Variants in DOCK5 observed in about 807,000 individuals in gnomAD.
The protein encoded by DOCK5 is dedicator of cytokinesis protein 5.
In DOCK5, 142 loss-of-function variants were observed where a neutral mutation model predicts 251.8. The ratio of observed to expected loss-of-function variants is 0.56; its 90% CI spans 0.49 to 0.65. The LOEUF (loss-of-function observed/expected upper bound fraction) is 0.65, where lower values mean the gene tolerates loss of function less well. DOCK5 is among the 30% of genes least tolerant of loss of function. The pLI is 0.00. For missense variants in DOCK5, 2,111 were observed against 2,312.3 expected (o/e 0.91, Z 1.79); for synonymous variants, 842 against 835.5 (o/e 1.01, Z -0.13).
At chr8:25,371,769 A>G (rs1800877257) in intron 34 of DOCK5, among the ~76,000 whole-genome samples, 1 of 152,184 alleles carries the variant, frequency 6.6e-6, no homozygotes, top group Non-Finnish European at 1.5e-5. Flanking sequence ...TGTTTTCTTC[A>G]TTCTTCCTAG....
At chr8:25,355,822 TAAG>T (rs1800557759) in intron 27 of DOCK5, among the ~76,000 whole-genome samples, 1 of 152,102 alleles carries the variant, frequency 6.6e-6, no homozygotes, top group Non-Finnish European at 1.5e-5. Context: ...AGATTATAAA[TAAG>T]AAATTCTATT....
chr8:25,370,502 G>T (rs1563219290), intron 34 of DOCK5, among the ~76,000 whole-genome samples: 1 of 151,870 alleles, frequency 6.6e-6, no homozygotes, highest in Non-Finnish European at 1.5e-5. Flanking sequence ...ATTACAATTT[G>T]TTTTTGGTGT....
intron 24 of DOCK5, 134 bp downstream of exon 24, chr8:25,341,943 C>T (rs1805965867): frequency 1.4e-6 from 1 of 729,506 alleles, no homozygotes; most frequent in African/African-American, 1.8e-5. Context: ...GTGCTCAGTT[C>T]TGTGGAAGAT....
intron 35 of DOCK5, 21 bp from the exon 36 acceptor site, chr8:25,373,597 G>C (rs1800912987): frequency 2.6e-6 from 4 of 1,550,024 alleles, no homozygotes; most frequent in Non-Finnish European, 3.5e-6. Context: ...GGGATTCTGT[G>C]ATCCTTTTTT....
intron 2 of DOCK5, among the ~76,000 whole-genome samples, chr8:25,253,182 A>G (rs1324767314): frequency 6.6e-6 from 1 of 152,256 alleles, no homozygotes; most frequent in African/African-American, 2.4e-5. Context: ...TTTCTACTGT[A>G]GAGTTCACAA....
In DOCK5 at chr8:25,384,610, C is replaced by G. The variant is rs187608032; in HGVS notation, c.4131+1832C>G. Reference sequence around the variant, plus strand: ...AAGTAGCAGGGATTACAGGTGTGCACGACCAGGCCCAGCTAATTTTTTGTA... The same window carrying G: ...AAGTAGCAGGGATTACAGGTGTGCAGGACCAGGCCCAGCTAATTTTTTGTA... On this transcript the variant is annotated intron_variant, in intron 40 of 51. Transcript: ENST00000276440. Among the ~76,000 whole-genome samples the G allele has an allele frequency of 4.2e-3, 641 of 151,844 alleles. 5 individuals are homozygous for G. The highest frequency in any genetic ancestry group is 8.5e-3 in the Admixed American group (129 of 15,262).
Position 25,231,972 on chromosome 8 carries a change from C to T in DOCK5, c.44-11702C>T, listed in dbSNP as rs181350542. 3.4e-3 allele frequency among the ~76,000 whole-genome samples: 510 copies of T among 151,872 alleles called. 1 individual carries two copies. The highest frequency in any genetic ancestry group is 5.5e-3 in the Non-Finnish European group (376 of 67,948). The stretch of plus-strand genomic sequence containing the variant: ...TGGGTGATGTTGATATTGGAATGTT[C>T]CTCGGGTTATTTAGAGGTGTGTGTT... On this transcript the variant is annotated intron_variant, in intron 1 of 51. Coordinates refer to ENST00000276440, the MANE Select transcript of DOCK5 (RefSeq NM_024940.8).
At chr8:25,374,316 C>A (rs1338842216) in intron 36 of DOCK5, among the ~76,000 whole-genome samples, 1 of 152,028 alleles carries the variant, frequency 6.6e-6, no homozygotes, top group East Asian at 1.9e-4. Flanking sequence ...CGAGCCTGGG[C>A]AGCATGGTGA....
At chr8:25,285,135 A>G (rs776702145) in intron 5 of DOCK5, among the ~76,000 whole-genome samples, 19 of 151,604 alleles carry the variant, frequency 1.3e-4, no homozygotes, top group Non-Finnish European at 2.5e-4. Context: ...GTGTTGAATC[A>G]AGTGAATTTA....
intron 17 of DOCK5, 129 bp downstream of exon 17, chr8:25,324,080 A>G (rs1805496977): frequency 9.6e-7 from 1 of 1,039,616 alleles, no homozygotes; most frequent in African/African-American, 1.6e-5. Context: ...ATTAACATCT[A>G]GAAACCCAGA....
intron 16 of DOCK5, among the ~76,000 whole-genome samples, chr8:25,321,563 C>T (rs1226608461): frequency 6.6e-6 from 1 of 152,146 alleles, no homozygotes; most frequent in Non-Finnish European, 1.5e-5. Context: ...ACCTAGATCC[C>T]TTGCATGCAC....
intron 28 of DOCK5, among the ~76,000 whole-genome samples, chr8:25,362,140 G>A (rs924164323): frequency 7.2e-5 from 11 of 152,308 alleles, no homozygotes; most frequent in Non-Finnish European, 1.5e-4. Context: ...TTGAAGGACC[G>A]TTTAGGACCT....
chr8:25,226,786 C>T (rs1422614553), intron 1 of DOCK5, among the ~76,000 whole-genome samples: 1 of 152,066 alleles, frequency 6.6e-6, no homozygotes, highest in Middle Eastern at 3.4e-3. Context: ...GGGGTTTCAC[C>T]GTGTTAGCCA....
At chr8:25,243,639 C>T in intron 1 of DOCK5, 35 bp from the exon 2 acceptor site, 1 of 1,593,416 alleles carries the variant, frequency 6.3e-7, no homozygotes, top group African/African-American at 1.3e-5. Flanking sequence ...AAGTGACATG[C>T]ATTCTAATTT....
intron 14 of DOCK5, among the ~76,000 whole-genome samples, chr8:25,319,373 C>T (rs1042556903): frequency 6.6e-6 from 1 of 152,026 alleles, no homozygotes; most frequent in African/African-American, 2.4e-5. Context: ...TAGCTGCTAC[C>T]AAATTGATAT....
At position 25,187,272 on chromosome 8, in the gene DOCK5, CATATATGTATATATGTATATACAT is replaced by C. The variant is rs1212804372; in HGVS notation, c.43+2337_43+2360del. ...ACACACACACACACGTATACACACA[CATATATGTATATATGTATATACAT>C]ATATATGTATATATGCGTATATGTG... On this transcript the variant is annotated intron_variant, in intron 1 of 51. Coordinates refer to ENST00000276440, the MANE Select transcript of DOCK5 (RefSeq NM_024940.8). 2.5e-3 allele frequency among the ~76,000 whole-genome samples: 363 copies of C among 145,160 alleles called. 2 individuals carry two copies. Among genetic ancestry groups the C allele is most frequent in the African/African-American group, 9.0e-3 (345 of 38,366 alleles).
At position 25,399,892 on chromosome 8, in the gene DOCK5, T is replaced by A; in HGVS notation, c.4705-19T>A. 6.3e-7 allele frequency: 1 copy of A among 1,596,350 alleles called. No homozygotes were observed. The highest frequency in any genetic ancestry group is 8.6e-7 in the Non-Finnish European group (1 of 1,168,080). On this transcript the variant is annotated intron_variant, in intron 45 of 51. Transcript: ENST00000276440. The stretch of plus-strand genomic sequence containing the variant: ...ATAGGAATGTGTTCTAATTAAAACT[T>A]GCATATGCTTTTTTTTAGGCTTTTT...
At chr8:25,401,923 A>G (rs1462469234) in intron 47 of DOCK5, among the ~76,000 whole-genome samples, 1 of 152,204 alleles carries the variant, frequency 6.6e-6, no homozygotes, top group Non-Finnish European at 1.5e-5. Flanking sequence ...TTTCATATGC[A>G]TGTAGCTGCT....
chr8:25,236,850 C>T (rs552157412), intron 1 of DOCK5, among the ~76,000 whole-genome samples: 13 of 152,116 alleles, frequency 8.5e-5, no homozygotes, highest in Admixed American at 2.6e-4. Context: ...CCACCTGCCT[C>T]GGCCTCCCAA....
Sources: allele counts gnomAD v4.1 joint callset (sites outside exome capture counted in the v4.1 genomes callset), GRCh38; gene constraint gnomAD v4.1.1; transcripts MANE v1.5; gene names NCBI Gene and HGNC (gene_info 2026-07-23, HGNC 2026-07-21).